The following ARHGEF7 variants were observed in gnomAD, a reference collection of about 807,000 sequenced individuals.
ARHGEF7 encodes PAK-interacting exchange factor beta.
A neutral mutation model predicts 109.8 loss-of-function variants in ARHGEF7; 33 were observed. The ratio of observed to expected loss-of-function variants is 0.30; its 90% CI spans 0.23 to 0.40. The LOEUF (loss-of-function observed/expected upper bound fraction) is 0.40, where lower values mean the gene tolerates loss of function less well. ARHGEF7 is among the 10% of genes least tolerant of loss of function. The probability of loss-of-function intolerance (pLI) is 1.00; values close to 1 mark genes in which losing one functional copy is unlikely to be tolerated. For synonymous variants in ARHGEF7, 458 were observed against 424.6 expected (o/e 1.08, Z -0.97); for missense variants, 938 against 1,098.5 (o/e 0.85, Z 2.07).
chr13:111,208,962 A>C (rs1311122869), intron 3 of ARHGEF7, among the ~76,000 whole-genome samples: 1 of 152,190 alleles, frequency 6.6e-6, no homozygotes, highest in Admixed American at 6.5e-5. Flanking sequence ...TAAATGTGTC[A>C]AGAGCAGTGG....
At chr13:111,118,179 G>C (rs1039703568) in intron 1 of ARHGEF7, among the ~76,000 whole-genome samples, 1 of 152,234 alleles carries the variant, frequency 6.6e-6, no homozygotes, top group East Asian at 1.9e-4. Context: ...GGTGCCTCGG[G>C]CTTCCCATAT....
intron 5 of ARHGEF7, among the ~76,000 whole-genome samples, chr13:111,220,174 C>T (rs61654197): frequency 0.11 from 16,100 of 152,218 alleles, 1,037 homozygotes; most frequent in Middle Eastern, 0.16. Context: ...AGCCCTGGGC[C>T]GAGAGGCCTG....
At chr13:111,297,208 CTG>C (rs2093446967) in intron 19 of ARHGEF7, among the ~76,000 whole-genome samples, 1 of 152,186 alleles carries the variant, frequency 6.6e-6, no homozygotes, top group African/African-American at 2.4e-5. Context: ...TTTAGAAAAA[CTG>C]TATGTTGAAA....
intron 5 of ARHGEF7, among the ~76,000 whole-genome samples, chr13:111,230,333 A>C (rs1881203108): frequency 6.6e-6 from 1 of 152,146 alleles, no homozygotes; most frequent in Non-Finnish European, 1.5e-5. Context: ...AGGGCAGTTG[A>C]GTATTTTCTA....
intron 1 of ARHGEF7, chr13:111,153,703 C>A: frequency 7.6e-7 from 1 of 1,315,490 alleles, no homozygotes; most frequent in South Asian, 2.0e-5. Flanking sequence ...TTGGTGCAGC[C>A]CCGGAGGAAG....
At chr13:111,268,662 C>T (rs1262903751) in intron 9 of ARHGEF7, among the ~76,000 whole-genome samples, 3 of 152,134 alleles carry the variant, frequency 2.0e-5, no homozygotes, top group Non-Finnish European at 1.5e-5. Flanking sequence ...TCGGCTCTGG[C>T]TGTGGCTGCT....
intron 2 of ARHGEF7, among the ~76,000 whole-genome samples, chr13:111,203,594 C>G (rs1428325789): frequency 1.3e-5 from 2 of 152,192 alleles, no homozygotes; most frequent in African/African-American, 4.8e-5. Flanking sequence ...TTTTGTGGTT[C>G]CATCTGATAT....
chr13:111,264,377 A>G (rs2091401736), intron 8 of ARHGEF7, among the ~76,000 whole-genome samples: 1 of 152,176 alleles, frequency 6.6e-6, no homozygotes, highest in Non-Finnish European at 1.5e-5. Context: ...CTTACTTGAA[A>G]TAGCTGCAGG....
At position 111,115,629 on chromosome 13, in the gene ARHGEF7, C is replaced by G; in HGVS notation, c.103C>G (p.Leu35Val). ...CCCGGAGGGCTTTCTGCAGGCGTCG[C>G]TGAAGGATGGGGTGGTCCTCTGCAG... The part of the protein sequence containing the change: ...SDPEGFLQAS[L>V]KDGVVLCRLL... Residue 35 changes from leucine to valine, a missense_variant, in exon 1 of 22, where the codon CTG (leucine) becomes GTG (valine). Physicochemically the swap from Leu to Val is conservative, Grantham distance 32 (BLOSUM62 1). This residue lies in a region of ARHGEF7 where 165 missense variants were observed against 125.8 expected (regional missense o/e 1.31). Transcript: ENST00000646102. The G allele has an allele frequency of 7.1e-7, 1 of 1,402,096 alleles. No individual in the cohort carries two copies. Among genetic ancestry groups the G allele is most frequent in the Non-Finnish European group, 9.4e-7 (1 of 1,062,640 alleles). The allele number at this position is 1,402,096 out of a possible 1,614,324, so 86.9% of individuals were successfully genotyped here. A position where few individuals can be genotyped will look rare whatever the true frequency, so the allele number is the denominator to read the frequency against.
At chr13:111,233,404 C>A (rs1413325369) in intron 6 of ARHGEF7, 111 bp downstream of exon 6, 2 of 823,356 alleles carry the variant, frequency 2.4e-6, no homozygotes, top group Non-Finnish European at 2.0e-6. Context: ...AAATAAAGTT[C>A]ATTCATCTGC....
intron 8 of ARHGEF7, among the ~76,000 whole-genome samples, chr13:111,252,945 C>G (rs1328671509): frequency 6.6e-6 from 1 of 152,252 alleles, no homozygotes; most frequent in Non-Finnish European, 1.5e-5. Flanking sequence ...CAGCTTCTCA[C>G]CCCACCCTCT....
At chr13:111,139,255 C>G (rs966517303) in intron 1 of ARHGEF7, among the ~76,000 whole-genome samples, 1 of 152,082 alleles carries the variant, frequency 6.6e-6, no homozygotes, top group Non-Finnish European at 1.5e-5. Context: ...CTGCCCAGGG[C>G]GGCACACACT....
At chr13:111,215,564 T>C (rs2147684) in intron 4 of ARHGEF7, among the ~76,000 whole-genome samples, 136,136 of 152,122 alleles carry the variant, frequency 0.89, 60,957 homozygotes, top group Admixed American at 0.93. Flanking sequence ...GAATAATATT[T>C]GGAGCAGAGC....
At chr13:111,300,885 C>A (rs779454899) in intron 20 of ARHGEF7, 38 bp downstream of exon 20, 1 of 1,404,156 alleles carries the variant, frequency 7.1e-7, no homozygotes, top group Non-Finnish European at 1.0e-6. Flanking sequence ...AGATGTTTGA[C>A]CTCTGCGGTG....
chr13:111,292,623 A>G lies in ARHGEF7; in HGVS notation c.2311+329A>G, dbSNP rs1340696957. ...CAAATGGTTTTTTTATTCTCAGTGTAGCAACTGTTTGATTTCTTTCTGGAT... is the reference window on the plus strand; with the variant it reads ...CAAATGGTTTTTTTATTCTCAGTGTGGCAACTGTTTGATTTCTTTCTGGAT... On this transcript the variant is annotated intron_variant, in intron 19 of 21. Coordinates refer to ENST00000646102, the MANE Select transcript of ARHGEF7 (RefSeq NM_001354046.2). 8 of 1,195,450 alleles carry G rather than the reference A, an allele frequency of 6.7e-6. No individual in the cohort carries two copies. The South Asian group carries it at 7.4e-5, about 11-fold the overall frequency. 74.1% of individuals were successfully genotyped at this position (1,195,450 alleles called of 1,614,324 possible).
intron 8 of ARHGEF7, among the ~76,000 whole-genome samples, chr13:111,256,135 A>C (rs1039486172): frequency 6.6e-6 from 1 of 152,126 alleles, no homozygotes. Context: ...CTTATCCTAC[A>C]CTAATCAGTT....
chr13:111,125,590 G>A (rs1300643053), intron 1 of ARHGEF7, among the ~76,000 whole-genome samples: 3 of 152,194 alleles, frequency 2.0e-5, no homozygotes, highest in African/African-American at 4.8e-5. Flanking sequence ...TTCTGACAGT[G>A]TGATCTATTA....
chr13:111,300,724 TTTA>T (rs1324339944), intron 19 of ARHGEF7, 21 bp from the exon 20 acceptor site: 1 of 1,518,950 alleles, frequency 6.6e-7, no homozygotes, highest in Admixed American at 1.9e-5. Flanking sequence ...CTGAGGTTTA[TTTA>T]TTATTTTTTC....
intron 2 of ARHGEF7, among the ~76,000 whole-genome samples, chr13:111,168,211 G>C (rs562795573): frequency 1.3e-5 from 2 of 152,158 alleles, no homozygotes; most frequent in African/African-American, 4.8e-5. Flanking sequence ...GCCCTCCCCT[G>C]TGCCTGCTTC....
Sources: allele counts gnomAD v4.1 joint callset (sites outside exome capture counted in the v4.1 genomes callset), GRCh38; gene constraint gnomAD v4.1.1; regional missense constraint gnomAD v4.1.1; transcripts MANE v1.5; gene names NCBI Gene and HGNC (gene_info 2026-07-23, HGNC 2026-07-21).